CACNA1E: variants seen among roughly 807,000 people sequenced by gnomAD.
The protein encoded by CACNA1E is voltage-dependent R-type calcium channel subunit alpha-1E.
A neutral mutation model predicts 259.2 loss-of-function variants in CACNA1E; 40 were observed. That is an observed-to-expected ratio of 0.15 (90% CI 0.12 to 0.20). The LOEUF (loss-of-function observed/expected upper bound fraction) is 0.20. Ranked by LOEUF, CACNA1E falls within the 10% of genes least tolerant of loss-of-function variation. The pLI, the probability that CACNA1E is intolerant of heterozygous loss-of-function variation, is 1.00. For synonymous variants in CACNA1E, 1,104 were observed against 1,138.5 expected (o/e 0.97, Z 0.61); for missense variants, 1,874 against 3,040.1 (o/e 0.62, Z 9.02).
intron 1 of CACNA1E, among the ~76,000 whole-genome samples, chr1:181,329,495 G>T (rs1651065171): frequency 6.6e-6 from 1 of 151,662 alleles, no homozygotes; most frequent in South Asian, 2.1e-4. Context: ...TCACCCACCA[G>T]CTTCCAGCTA....
chr1:181,765,161 T>G, intron 34 of CACNA1E, among the ~76,000 whole-genome samples: 1 of 151,704 alleles, frequency 6.6e-6, no homozygotes, highest in Non-Finnish European at 1.5e-5. Context: ...TCCCCCACCC[T>G]CCCTAAACAG....
chr1:181,737,782 C>T (rs1368990761), intron 23 of CACNA1E, 128 bp downstream of exon 23: 1 of 1,269,082 alleles, frequency 7.9e-7, no homozygotes, highest in East Asian at 2.3e-5. Context: ...ATTGTCCACT[C>T]CTGTTCCTCA....
intron 27 of CACNA1E, among the ~76,000 whole-genome samples, chr1:181,754,038 C>T (rs997561384): frequency 6.6e-6 from 1 of 152,216 alleles, no homozygotes; most frequent in African/African-American, 2.4e-5. Flanking sequence ...TACCACCTTC[C>T]TGCCCATAAA....
intron 6 of CACNA1E, among the ~76,000 whole-genome samples, chr1:181,643,542 T>C (rs1657992018): frequency 6.6e-6 from 1 of 152,098 alleles, no homozygotes; most frequent in Admixed American, 6.5e-5. Flanking sequence ...GTGCCAGTGG[T>C]GAGGACTGCC....
intron 1 of CACNA1E, among the ~76,000 whole-genome samples, chr1:181,494,619 A>C (rs1310610690): frequency 2.0e-5 from 3 of 152,186 alleles, no homozygotes; most frequent in Admixed American, 6.5e-5. Flanking sequence ...TATTATCCAC[A>C]TTTTAAATAT....
At chr1:181,635,449 C>A (rs1657121955) in intron 6 of CACNA1E, among the ~76,000 whole-genome samples, 1 of 152,190 alleles carries the variant, frequency 6.6e-6, no homozygotes, top group Non-Finnish European at 1.5e-5. Context: ...CCCCACTCAA[C>A]CTCAAGCTTT....
intron 7 of CACNA1E, among the ~76,000 whole-genome samples, chr1:181,664,715 G>A (rs574221289): frequency 9.9e-5 from 15 of 152,094 alleles, no homozygotes; most frequent in African/African-American, 2.9e-4. Flanking sequence ...TGGGGGCTCA[G>A]CCAAGGTGAG....
At chr1:181,476,340 G>A (rs1407605477) in intron 2 of CACNA1E, among the ~76,000 whole-genome samples, 1 of 152,208 alleles carries the variant, frequency 6.6e-6, no homozygotes, top group African/African-American at 2.4e-5. Context: ...GAGAGTGGGA[G>A]AGAGAGGGTG....
At chr1:181,664,457 C>T (rs1448802173) in intron 7 of CACNA1E, among the ~76,000 whole-genome samples, 1 of 152,108 alleles carries the variant, frequency 6.6e-6, no homozygotes, top group Non-Finnish European at 1.5e-5. Flanking sequence ...TGTAATATTA[C>T]CCCCATTTTA....
At chr1:181,659,400 A>C (rs1212107815) in intron 7 of CACNA1E, among the ~76,000 whole-genome samples, 4 of 152,240 alleles carry the variant, frequency 2.6e-5, no homozygotes, top group Non-Finnish European at 5.9e-5. Context: ...GGATTTGATG[A>C]AAACCATTAG....
chr1:181,345,220 G>A (rs1056520963), intron 1 of CACNA1E, among the ~76,000 whole-genome samples: 1 of 152,250 alleles, frequency 6.6e-6, no homozygotes, highest in Non-Finnish European at 1.5e-5. Flanking sequence ...AGGGTGAGCC[G>A]TCATCGGCTG....
intron 6 of CACNA1E, among the ~76,000 whole-genome samples, chr1:181,587,806 C>G (rs1652227072): frequency 6.6e-6 from 1 of 152,156 alleles, no homozygotes; most frequent in Admixed American, 6.5e-5. Flanking sequence ...TGGTGTGAAC[C>G]CGGGAGGTGG....
chr1:181,536,970 C>A (rs999208476), intron 3 of CACNA1E, among the ~76,000 whole-genome samples: 1 of 152,096 alleles, frequency 6.6e-6, no homozygotes, highest in Non-Finnish European at 1.5e-5. Flanking sequence ...CCCTGTTGGT[C>A]ACCTGGATCC....
intron 7 of CACNA1E, among the ~76,000 whole-genome samples, chr1:181,667,844 T>G (rs974579013): frequency 6.8e-5 from 10 of 145,998 alleles, no homozygotes; most frequent in South Asian, 2.1e-4. Context: ...GTGTCTGTCT[T>G]TTTTTTTTTT....
chr1:181,438,480 A>G (rs897481435), intron 2 of CACNA1E, among the ~76,000 whole-genome samples: 1 of 152,192 alleles, frequency 6.6e-6, no homozygotes, highest in Non-Finnish European at 1.5e-5. Flanking sequence ...TTCCAATTCC[A>G]TTCTCATTTT....
chr1:181,657,327 C>T (rs1462808489), intron 7 of CACNA1E, among the ~76,000 whole-genome samples: 1 of 151,822 alleles, frequency 6.6e-6, no homozygotes, highest in East Asian at 1.9e-4. Context: ...TCTTAGGTTC[C>T]ACAGTAAGGA....
chr1:181,406,336 C>A (rs1657458262), intron 1 of CACNA1E, among the ~76,000 whole-genome samples: 1 of 152,138 alleles, frequency 6.6e-6, no homozygotes, highest in Non-Finnish European at 1.5e-5. Context: ...TTTTTTATGG[C>A]CAGGTGCTGT....
Position 181,487,023 on chromosome 1 carries a change from A to AT in CACNA1E, c.266+3030dup, listed in dbSNP as rs113857890. Among the ~76,000 whole-genome samples, 1,377 of 145,312 alleles carry AT rather than the reference A, an allele frequency of 9.5e-3. 6 individuals carry two copies. Among genetic ancestry groups the AT allele is most frequent in the Middle Eastern group, 0.014 (4 of 278 alleles). ...CTTCTTTGCTCTTTGTAAGTGCCAG[A>AT]TTTTTTTTTTTTTTTTTAAGAAAGG... On this transcript the variant is annotated intron_variant, in intron 1 of 47. Coordinates refer to ENST00000367573, the MANE Select transcript of CACNA1E (RefSeq NM_001205293.3).
At chr1:181,626,826 T>C (rs1366008721) in intron 6 of CACNA1E, among the ~76,000 whole-genome samples, 3 of 152,198 alleles carry the variant, frequency 2.0e-5, no homozygotes, top group African/African-American at 7.2e-5. Flanking sequence ...ATTGTACTGT[T>C]AAGTAGGAGT....
Sources: allele counts gnomAD v4.1 joint callset (sites outside exome capture counted in the v4.1 genomes callset), GRCh38; gene constraint gnomAD v4.1.1; transcripts MANE v1.5; gene names NCBI Gene and HGNC (gene_info 2026-07-23, HGNC 2026-07-21).